FAP: variants seen among roughly 807,000 people sequenced by gnomAD.
The protein encoded by FAP is prolyl endopeptidase FAP.
FAP carries 110 observed loss-of-function variants against 126.5 expected under a neutral mutation model. The observed-to-expected ratio is 0.87, with a 90% confidence interval of 0.74 to 1.02. The LOEUF is 1.02. FAP is among the 50% of genes least tolerant of loss of function. FAP has a pLI of 0.00. For synonymous variants in FAP, 334 were observed against 297.3 expected, an observed-to-expected ratio of 1.12 and a Z score of -1.27; for missense variants, 919 against 909.2, an observed-to-expected ratio of 1.01 and a Z score of -0.14.
At chr2:162,237,261 C>T (rs1480433733) in intron 2 of FAP, among the ~76,000 whole-genome samples, 2 of 152,136 alleles carry the variant, frequency 1.3e-5, no homozygotes, top group Non-Finnish European at 2.9e-5. Context: ...GATACATTTG[C>T]AGGACGTGCA....
At chr2:162,238,154 T>TG (rs1690213245) in intron 2 of FAP, among the ~76,000 whole-genome samples, 1 of 152,016 alleles carries the variant, frequency 6.6e-6, no homozygotes, top group African/African-American at 2.4e-5. Flanking sequence ...GGTTGCCTGT[T>TG]CACTCTAATG....
intron 17 of FAP, among the ~76,000 whole-genome samples, chr2:162,193,285 T>C (rs1456836373): frequency 6.6e-6 from 1 of 152,194 alleles, no homozygotes; most frequent in Non-Finnish European, 1.5e-5. Context: ...GAATCCGTAT[T>C]TATAATGAAC....
At chr2:162,197,349 C>T (rs754351688) in intron 16 of FAP, among the ~76,000 whole-genome samples, 3 of 152,162 alleles carry the variant, frequency 2.0e-5, no homozygotes, top group Non-Finnish European at 2.9e-5. Context: ...GTATAGTTAG[C>T]TCAATGATAC....
chr2:162,199,933 A>G (rs556470424), intron 15 of FAP, among the ~76,000 whole-genome samples: 52 of 152,378 alleles, frequency 3.4e-4, no homozygotes, highest in African/African-American at 1.2e-3. Context: ...AGAGATCAGC[A>G]TGCCCAGGTA....
At chr2:162,241,665 T>C (rs1010468822) in intron 2 of FAP, among the ~76,000 whole-genome samples, 17 of 152,260 alleles carry the variant, frequency 1.1e-4, no homozygotes, top group African/African-American at 3.9e-4. Flanking sequence ...TACCTGACAA[T>C]TGCTGGTATG....
rs115451390 is a variant in FAP at position 162,243,397 on chromosome 2, G to A, written c.-70C>T. 4.5e-4 allele frequency: 715 copies of A among 1,575,170 alleles called. 1 individual carries two copies. The African/African-American group carries it at 7.6e-3, about 17-fold the overall frequency. On this transcript the variant is annotated 5_prime_UTR_variant, in exon 1 of 26. In the 5' UTR this introduces an upstream ATG that the reference lacks. Coordinates refer to ENST00000188790, the MANE Select transcript of FAP (RefSeq NM_004460.5). ...GTGGGTCACTGGATCTGTGAAAACCGTTGAAAAGGACCAAGTCTGTCTTTG... is the reference window on the plus strand; with the variant it reads ...GTGGGTCACTGGATCTGTGAAAACCATTGAAAAGGACCAAGTCTGTCTTTG...
At chr2:162,214,527 G>A (rs4664453) in intron 10 of FAP, among the ~76,000 whole-genome samples, 5,520 of 151,638 alleles carry the variant, frequency 0.036, 475 homozygotes, top group Admixed American at 0.21. Context: ...AGCTGTGACT[G>A]TGGTCAGGTA....
chr2:162,183,568 T>C (rs1687765537), intron 20 of FAP, 100 bp from the exon 21 acceptor site: 2 of 723,848 alleles, frequency 2.8e-6, no homozygotes. Context: ...ATAGAAACGC[T>C]ACATTTTCTT....
At chr2:162,206,286 T>G (rs1404092679) in intron 12 of FAP, among the ~76,000 whole-genome samples, 1 of 152,238 alleles carries the variant, frequency 6.6e-6, no homozygotes, top group Non-Finnish European at 1.5e-5. Flanking sequence ...CACCAAGTTG[T>G]CCTCAGTTTT....
intron 2 of FAP, among the ~76,000 whole-genome samples, chr2:162,232,664 T>C (rs748722785): frequency 1.3e-5 from 2 of 152,238 alleles, no homozygotes; most frequent in Admixed American, 6.5e-5. Context: ...GTTTTCTCTA[T>C]GAACAATACT....
chr2:162,191,386 T>A (rs1288696329), intron 17 of FAP, among the ~76,000 whole-genome samples: 3 of 152,078 alleles, frequency 2.0e-5, no homozygotes, highest in African/African-American at 7.2e-5. Flanking sequence ...ACAAACAGAA[T>A]CTCACAGGGG....
intron 11 of FAP, among the ~76,000 whole-genome samples, chr2:162,210,821 A>G (rs182137283): frequency 1.3e-5 from 2 of 152,116 alleles, no homozygotes; most frequent in South Asian, 2.1e-4. Flanking sequence ...AATGATAAAG[A>G]CTCTAATCAA....
Position 162,198,873 on chromosome 2 carries a change from A to C in FAP, c.1286T>G (p.Ile429Ser). 1 of 1,613,754 alleles carries C rather than the reference A, an allele frequency of 6.2e-7. No individual in the cohort carries two copies. The highest frequency in any genetic ancestry group is 8.5e-7 in the Non-Finnish European group (1 of 1,179,692). The change falls in exon 16 of 26, where the codon ATT (isoleucine) becomes AGT (serine). Residue 429 changes from isoleucine (I) to serine (S), a missense_variant. By Grantham distance (142) the Ile-to-Ser change is moderately radical. Transcript: ENST00000188790. ...PGRRNIYRISIGSYPPSKKCV... is the reference protein window; with the variant it reads ...PGRRNIYRISSGSYPPSKKCV... ...CTTCTTGCTTGGAGGATAGCTTCCA[A>C]TGCTAATTCTAGAGGGAAATGAAAA...
chr2:162,181,296 A>G (rs867622789), intron 21 of FAP, among the ~76,000 whole-genome samples: 2 of 152,126 alleles, frequency 1.3e-5, no homozygotes, highest in East Asian at 3.9e-4. Context: ...AAAAAATAAA[A>G]AAGGTGTAAC....
chr2:162,210,410 T>G (rs1213278582), intron 11 of FAP, among the ~76,000 whole-genome samples: 1 of 152,190 alleles, frequency 6.6e-6, no homozygotes, highest in Admixed American at 6.6e-5. Flanking sequence ...ATAATGTAAT[T>G]GATCATTTAC....
intron 11 of FAP, 48 bp from the exon 12 acceptor site, chr2:162,210,044 T>C (rs1232050544): frequency 7.8e-6 from 12 of 1,546,304 alleles, no homozygotes; most frequent in African/African-American, 1.4e-5. Flanking sequence ...AGAACATTTT[T>C]TTCCTAAATG....
intron 9 of FAP, 45 bp downstream of exon 9, chr2:162,217,941 T>A: frequency 6.8e-7 from 1 of 1,472,472 alleles, no homozygotes; most frequent in Non-Finnish European, 9.2e-7. Flanking sequence ...ATTGCTCATT[T>A]TGATACCAGG....
intron 21 of FAP, among the ~76,000 whole-genome samples, chr2:162,178,390 T>C (rs1457758814): frequency 6.6e-6 from 1 of 152,176 alleles, no homozygotes; most frequent in Admixed American, 6.5e-5. Flanking sequence ...GATGGATAAT[T>C]CTTTGTTATA....
rs1321848389 is a variant in FAP at position 162,243,372 on chromosome 2, G to A, written c.-45C>T. 1.2e-6 allele frequency: 2 copies of A among 1,604,310 alleles called. No homozygotes were observed. Among genetic ancestry groups the A allele is most frequent in the African/African-American group, 1.3e-5 (1 of 74,236 alleles). On this transcript the variant is annotated 5_prime_UTR_variant, in exon 1 of 26. It adds an upstream start codon to the 5' untranslated region. Coordinates refer to ENST00000188790, the MANE Select transcript of FAP (RefSeq NM_004460.5). ...AGTTAGCTAATTCTGTCTTCAGAGC[G>A]TGGGTCACTGGATCTGTGAAAACCG...
Sources: allele counts gnomAD v4.1 joint callset (sites outside exome capture counted in the v4.1 genomes callset), GRCh38; gene constraint gnomAD v4.1.1; transcripts MANE v1.5; gene names NCBI Gene and HGNC (gene_info 2026-07-23, HGNC 2026-07-21).